The following CLVS1 variants were observed in gnomAD, a reference collection of about 807,000 sequenced individuals.
CLVS1 encodes clavesin 1.
CLVS1 carries 10 observed loss-of-function variants against 33.1 expected under a neutral mutation model. The observed-to-expected ratio is 0.30, with a 90% confidence interval of 0.19 to 0.51. The LOEUF is 0.51. Among genes scored for constraint, CLVS1 ranks in the 20% least tolerant of loss-of-function variants. The pLI is 0.97. For missense variants in CLVS1, 343 were observed against 433.4 expected, an observed-to-expected ratio of 0.79 and a Z score of 1.85; for synonymous variants, 163 against 166.1, an observed-to-expected ratio of 0.98 and a Z score of 0.14.
At chr8:61,193,766 A>AG (rs1269805381) in intron 2 of CLVS1, among the ~76,000 whole-genome samples, 1 of 152,008 alleles carries the variant, frequency 6.6e-6, no homozygotes, top group Non-Finnish European at 1.5e-5. Context: ...CCCAAGCAGA[A>AG]GAAAAACACA....
chr8:61,121,326 C>G (rs1805865685), intron 1 of CLVS1, among the ~76,000 whole-genome samples: 1 of 152,208 alleles, frequency 6.6e-6, no homozygotes, highest in South Asian at 2.1e-4. Context: ...GCAGAAATCA[C>G]CGTCTTCTGC....
intron 2 of CLVS1, among the ~76,000 whole-genome samples, chr8:61,165,151 C>G (rs1020269141): frequency 6.6e-6 from 1 of 152,214 alleles, no homozygotes; most frequent in Non-Finnish European, 1.5e-5. Flanking sequence ...TTAGCCCCAT[C>G]GGGAGTGGCA....
At chr8:61,320,963 T>C (rs922031813) in intron 2 of CLVS1, among the ~76,000 whole-genome samples, 12 of 152,190 alleles carry the variant, frequency 7.9e-5, no homozygotes, top group Admixed American at 2.0e-4. Context: ...TCTATTAACT[T>C]AAAAATAAAA....
intron 2 of CLVS1, among the ~76,000 whole-genome samples, chr8:61,305,703 C>T (rs1422841185): frequency 6.6e-6 from 1 of 152,098 alleles, no homozygotes; most frequent in African/African-American, 2.4e-5. Context: ...GGCCCTCCCT[C>T]CTCCCACTCT....
chr8:61,115,750 A>C (rs1283636174), intron 1 of CLVS1, among the ~76,000 whole-genome samples: 5 of 148,152 alleles, frequency 3.4e-5, no homozygotes, highest in Middle Eastern at 3.2e-3. Flanking sequence ...TATATGTGCC[A>C]CATTTTCTTA....
At chr8:61,140,594 G>T (rs1362830365) in intron 2 of CLVS1, among the ~76,000 whole-genome samples, 3 of 151,808 alleles carry the variant, frequency 2.0e-5, no homozygotes, top group South Asian at 2.1e-4. Flanking sequence ...ACGGAGTCTC[G>T]CTGTGTCGCC....
intron 2 of CLVS1, 63 bp downstream of exon 2, chr8:61,300,345 G>A: frequency 1.5e-6 from 2 of 1,357,500 alleles, no homozygotes; most frequent in East Asian, 2.4e-5. Flanking sequence ...CTGCATGTTT[G>A]GGGTTGTATG....
intron 2 of CLVS1, among the ~76,000 whole-genome samples, chr8:61,137,345 G>A (rs924935039): frequency 6.6e-6 from 1 of 152,188 alleles, no homozygotes; most frequent in Admixed American, 6.5e-5. Flanking sequence ...GGAAGTCACG[G>A]AACCTGAGTT....
At chr8:61,156,966 A>G (rs1232654529) in intron 2 of CLVS1, among the ~76,000 whole-genome samples, 1 of 152,222 alleles carries the variant, frequency 6.6e-6, no homozygotes, top group Non-Finnish European at 1.5e-5. Flanking sequence ...GCAGAGATCT[A>G]CGAAGCACCT....
chr8:61,327,373 CTTA>C (rs1261042995), intron 2 of CLVS1, among the ~76,000 whole-genome samples: 4 of 152,032 alleles, frequency 2.6e-5, no homozygotes, highest in East Asian at 1.9e-4. Flanking sequence ...GATATTTTTA[CTTA>C]TTATGGATAA....
At chr8:61,270,329 T>C (rs561324396) in intron 2 of CLVS1, among the ~76,000 whole-genome samples, 1 of 152,362 alleles carries the variant, frequency 6.6e-6, no homozygotes. Context: ...TTGATTTGCG[T>C]ATATTGAACC....
intron 2 of CLVS1, among the ~76,000 whole-genome samples, chr8:61,186,681 GGAGGGAGA>G (rs1337737634): frequency 6.6e-6 from 1 of 152,092 alleles, no homozygotes; most frequent in African/African-American, 2.4e-5. Context: ...AGAGAGGAAG[GGAGGGAGA>G]GAGGGAGAGA....
chr8:61,468,633 C>T (rs1020655486), intron 5 of CLVS1, among the ~76,000 whole-genome samples: 28 of 149,266 alleles, frequency 1.9e-4, no homozygotes, highest in African/African-American at 6.9e-4. Flanking sequence ...CTCTTTGTTT[C>T]CTGGAGGCCC....
At chr8:60,983,163 T>C in the CLVS1 span, among the ~76,000 whole-genome samples, 1 of 152,160 alleles carries the variant, frequency 6.6e-6, no homozygotes, top group Non-Finnish European at 1.5e-5. Context: ...AGGAGGATGC[T>C]CACACAAGAC....
chr8:61,174,016 G>A (rs1046906410), intron 2 of CLVS1, among the ~76,000 whole-genome samples: 1 of 152,170 alleles, frequency 6.6e-6, no homozygotes, highest in Non-Finnish European at 1.5e-5. Flanking sequence ...GGGATAATTA[G>A]CCAGAGAATG....
intron 2 of CLVS1, among the ~76,000 whole-genome samples, chr8:61,343,188 C>G (rs1031311200): frequency 6.6e-6 from 1 of 152,156 alleles, no homozygotes. Context: ...TCCAATTGCC[C>G]AGCCCTTGCC....
At chr8:61,012,330 A>G in the CLVS1 span, among the ~76,000 whole-genome samples, 1 of 152,234 alleles carries the variant, frequency 6.6e-6, no homozygotes, top group Admixed American at 6.5e-5. Flanking sequence ...CATTTAAAGA[A>G]CATTTGCTAT....
chr8:61,303,975 T>G (rs150848440), intron 2 of CLVS1, among the ~76,000 whole-genome samples: 193 of 152,282 alleles, frequency 1.3e-3, no homozygotes, highest in African/African-American at 4.1e-3. Flanking sequence ...AAAATTGGAA[T>G]GGGGCAATGA....
intron 3 of CLVS1, among the ~76,000 whole-genome samples, chr8:61,426,491 G>A (rs560698067): frequency 6.6e-6 from 1 of 152,310 alleles, no homozygotes; most frequent in Admixed American, 6.5e-5. Flanking sequence ...TGCCATTTAT[G>A]TATGACGATT....
Sources: allele counts gnomAD v4.1 joint callset (sites outside exome capture counted in the v4.1 genomes callset), GRCh38; gene constraint gnomAD v4.1.1; transcripts MANE v1.5; gene names NCBI Gene and HGNC (gene_info 2026-07-23, HGNC 2026-07-21).